The following SLC9A9 variants were observed in gnomAD, a reference collection of about 807,000 sequenced individuals.
The protein encoded by SLC9A9 is solute carrier family 9 member A9, also known as sodium/hydrogen exchanger 9.
Under a neutral mutation model 77.8 loss-of-function variants are expected in SLC9A9, and 62 were observed. That is an observed-to-expected ratio of 0.80 (90% CI 0.65 to 0.98). The LOEUF is 0.98. SLC9A9 is among the 50% of genes least tolerant of loss of function. The pLI, the probability that SLC9A9 is intolerant of heterozygous loss-of-function variation, is 0.00. For missense variants in SLC9A9, 775 were observed against 774.9 expected (o/e 1.00, Z 0.00); for synonymous variants, 320 against 283.5 (o/e 1.13, Z -1.29).
At chr3:143,831,315 A>T (rs906877876) in intron 2 of SLC9A9, among the ~76,000 whole-genome samples, 5 of 152,328 alleles carry the variant, frequency 3.3e-5, no homozygotes, top group Middle Eastern at 3.4e-3. Context: ...TTTACAAGGC[A>T]CCACAAAAGA....
intron 3 of SLC9A9, among the ~76,000 whole-genome samples, chr3:143,795,401 G>A (rs907896631): frequency 1.3e-4 from 19 of 151,952 alleles, no homozygotes; most frequent in South Asian, 2.1e-4. Flanking sequence ...TGCCAGAATC[G>A]GGGCAATAAT....
intron 2 of SLC9A9, among the ~76,000 whole-genome samples, chr3:143,814,139 C>G (rs993868948): frequency 6.6e-6 from 1 of 152,170 alleles, no homozygotes; most frequent in East Asian, 1.9e-4. Context: ...TATGTTTCTG[C>G]ACCTGGGTGA....
At chr3:143,714,433 G>A (rs1934279226) in intron 4 of SLC9A9, among the ~76,000 whole-genome samples, 1 of 152,166 alleles carries the variant, frequency 6.6e-6, no homozygotes, top group South Asian at 2.1e-4. Context: ...TTTACATTTT[G>A]AATTGGTTTC....
At chr3:143,712,461 A>G (rs891275460) in intron 4 of SLC9A9, among the ~76,000 whole-genome samples, 1 of 152,240 alleles carries the variant, frequency 6.6e-6, no homozygotes, top group Non-Finnish European at 1.5e-5. Context: ...CATAGAATGA[A>G]AAAAGATAAC....
chr3:143,277,088 G>A (rs1406330497), intron 14 of SLC9A9, among the ~76,000 whole-genome samples: 1 of 152,188 alleles, frequency 6.6e-6, no homozygotes, highest in African/African-American at 2.4e-5. Flanking sequence ...AAGGGACAGA[G>A]AAAGGGCAGT....
chr3:143,358,909 C>T (rs915714802), intron 14 of SLC9A9, among the ~76,000 whole-genome samples: 5 of 152,160 alleles, frequency 3.3e-5, no homozygotes, highest in Non-Finnish European at 7.3e-5. Context: ...TGTGCCAGAT[C>T]GTTGTACTAA....
chr3:143,422,088 A>G (rs1435478832), intron 12 of SLC9A9, among the ~76,000 whole-genome samples: 1 of 152,150 alleles, frequency 6.6e-6, no homozygotes, highest in Non-Finnish European at 1.5e-5. Context: ...AACAAAAACA[A>G]AAACAAAACA....
chr3:143,370,827 A>G (rs1331344636), intron 13 of SLC9A9, among the ~76,000 whole-genome samples: 1 of 152,180 alleles, frequency 6.6e-6, no homozygotes, highest in Non-Finnish European at 1.5e-5. Context: ...TAACTGGATC[A>G]TAAACATATG....
intron 2 of SLC9A9, among the ~76,000 whole-genome samples, chr3:143,816,106 A>G (rs2009009129): frequency 6.6e-6 from 1 of 152,238 alleles, no homozygotes; most frequent in Non-Finnish European, 1.5e-5. Flanking sequence ...CCCCAGAAAT[A>G]ATCAATGCCC....
intron 12 of SLC9A9, among the ~76,000 whole-genome samples, chr3:143,387,264 A>C (rs1056120752): frequency 2.6e-5 from 4 of 152,212 alleles, no homozygotes; most frequent in African/African-American, 9.6e-5. Flanking sequence ...GCAGAAAGCA[A>C]GAAAAGAAAA....
intron 14 of SLC9A9, among the ~76,000 whole-genome samples, chr3:143,323,358 T>C (rs2031480873): frequency 6.6e-6 from 1 of 152,196 alleles, no homozygotes; most frequent in Non-Finnish European, 1.5e-5. Flanking sequence ...AAATGTGGTG[T>C]ATATATACAC....
intron 2 of SLC9A9, among the ~76,000 whole-genome samples, chr3:143,827,031 T>A (rs16854421): frequency 0.1 from 15,842 of 152,244 alleles, 2,567 homozygotes; most frequent in African/African-American, 0.35. Context: ...TAGGACTCAG[T>A]TCATTTGTGT....
intron 13 of SLC9A9, among the ~76,000 whole-genome samples, chr3:143,380,494 T>C (rs1410394582): frequency 6.6e-6 from 1 of 152,190 alleles, no homozygotes; most frequent in Non-Finnish European, 1.5e-5. Context: ...ATGAATTATT[T>C]GACCTACACA....
At chr3:143,306,743 G>C (rs2030801896) in intron 14 of SLC9A9, among the ~76,000 whole-genome samples, 1 of 152,140 alleles carries the variant, frequency 6.6e-6, no homozygotes, top group African/African-American at 2.4e-5. Context: ...ATTTCAGTCA[G>C]AGTGATGGTT....
chr3:143,685,217 A>G (rs1252682178), intron 5 of SLC9A9, among the ~76,000 whole-genome samples: 3 of 152,134 alleles, frequency 2.0e-5, no homozygotes, highest in Non-Finnish European at 4.4e-5. Context: ...CATGTAATTA[A>G]TACTGTATAA....
intron 4 of SLC9A9, among the ~76,000 whole-genome samples, chr3:143,706,152 ACCG>A: frequency 6.6e-6 from 1 of 152,338 alleles, no homozygotes; most frequent in East Asian, 1.9e-4. Context: ...AATCTGTCCT[ACCG>A]TAGGTGGTTT....
intron 6 of SLC9A9, among the ~76,000 whole-genome samples, chr3:143,580,341 G>A (rs936946896): frequency 1.3e-5 from 2 of 152,174 alleles, no homozygotes; most frequent in Admixed American, 1.3e-4. Flanking sequence ...AGCTTTAGAA[G>A]TAATTCTATT....
chr3:143,810,822 A>G (rs1318531255), intron 2 of SLC9A9, among the ~76,000 whole-genome samples: 2 of 152,224 alleles, frequency 1.3e-5, no homozygotes, highest in Non-Finnish European at 2.9e-5. Context: ...TTGAAGATAT[A>G]TTATAGAGAG....
intron 14 of SLC9A9, among the ~76,000 whole-genome samples, chr3:143,353,910 T>C (rs2032525700): frequency 6.6e-6 from 1 of 152,226 alleles, no homozygotes; most frequent in Admixed American, 6.5e-5. Context: ...AAGGAAACTT[T>C]AAAGGCTACT....
Sources: gnomAD v4.1 joint callset for allele counts (sites outside exome capture counted in the v4.1 genomes callset) on GRCh38, gnomAD v4.1.1 for gene constraint, MANE v1.5 for transcripts, NCBI Gene and HGNC (gene_info 2026-07-23, HGNC 2026-07-21) for gene names.